The following CTNNA3 variants were observed in gnomAD, a reference collection of about 807,000 sequenced individuals.
CTNNA3 encodes catenin alpha-3.
Under a neutral mutation model 95.7 loss-of-function variants are expected in CTNNA3, and 76 were observed. The observed-to-expected ratio is 0.79, with a 90% CI of 0.66 to 0.96. The LOEUF (loss-of-function observed/expected upper bound fraction) is 0.96, where lower values mean the gene tolerates loss of function less well. Among genes scored for constraint, CTNNA3 ranks in the 40% least tolerant of loss-of-function variants. The pLI is 0.00. For missense variants in CTNNA3, 1,191 were observed against 1,089.8 expected, an observed-to-expected ratio of 1.09 and a Z score of -1.31; for synonymous variants, 431 against 374.4, an observed-to-expected ratio of 1.15 and a Z score of -1.74.
intron 7 of CTNNA3, among the ~76,000 whole-genome samples, chr10:67,146,625 C>A (rs115054012): frequency 0.011 from 1,627 of 152,256 alleles, 27 homozygotes; most frequent in African/African-American, 0.03. Context: ...AAGGTAAGTA[C>A]AGGATTGGTG....
At chr10:67,314,228 G>T (rs1286511303) in intron 5 of CTNNA3, among the ~76,000 whole-genome samples, 1 of 152,104 alleles carries the variant, frequency 6.6e-6, no homozygotes, top group Non-Finnish European at 1.5e-5. Flanking sequence ...AAACTAAAAA[G>T]AAAGAAATCA....
chr10:66,738,654 G>A (rs1023661845), intron 9 of CTNNA3, among the ~76,000 whole-genome samples: 2 of 152,196 alleles, frequency 1.3e-5, no homozygotes, highest in African/African-American at 2.4e-5. Context: ...CCATATACAC[G>A]TTTCATGTAA....
chr10:65,951,438 T>C (rs993124595), intron 17 of CTNNA3, among the ~76,000 whole-genome samples: 1 of 152,130 alleles, frequency 6.6e-6, no homozygotes, highest in African/African-American at 2.4e-5. Flanking sequence ...CATGTTAGCT[T>C]CTCATTTTGA....
At chr10:66,752,083 G>A (rs914742836) in intron 9 of CTNNA3, among the ~76,000 whole-genome samples, 29 of 152,012 alleles carry the variant, frequency 1.9e-4, no homozygotes, top group South Asian at 2.1e-4. Context: ...TAGTTGTGTA[G>A]GTACTGATAG....
At chr10:67,637,792 C>T (rs371324904) in intron 2 of CTNNA3, among the ~76,000 whole-genome samples, 124 of 152,164 alleles carry the variant, frequency 8.1e-4, no homozygotes, top group Admixed American at 5.2e-3. Context: ...AGAAATAAAA[C>T]ACTTTACAGA....
intron 11 of CTNNA3, among the ~76,000 whole-genome samples, chr10:66,498,629 T>C (rs939641145): frequency 6.6e-6 from 1 of 152,126 alleles, no homozygotes; most frequent in Non-Finnish European, 1.5e-5. Context: ...GATTTTACAT[T>C]AGGTAATAAA....
chr10:67,151,952 T>C (rs1352382179), intron 7 of CTNNA3, among the ~76,000 whole-genome samples: 2 of 152,198 alleles, frequency 1.3e-5, no homozygotes, highest in Admixed American at 1.3e-4. Flanking sequence ...TTTCCCCCTA[T>C]TCTGCCCTCC....
intron 7 of CTNNA3, among the ~76,000 whole-genome samples, chr10:67,169,268 C>T (rs759860958): frequency 6.6e-6 from 1 of 151,934 alleles, no homozygotes; most frequent in East Asian, 1.9e-4. Context: ...ACATTCTTTA[C>T]AGAACTAGAG....
intron 7 of CTNNA3, among the ~76,000 whole-genome samples, chr10:66,968,026 G>T (rs535729788): frequency 6.6e-6 from 1 of 152,090 alleles, no homozygotes; most frequent in Non-Finnish European, 1.5e-5. Context: ...TATACTAAAA[G>T]AAAAGAAATT....
chr10:65,959,258 T>C (rs1231490445), intron 17 of CTNNA3, among the ~76,000 whole-genome samples: 1 of 152,162 alleles, frequency 6.6e-6, no homozygotes, highest in East Asian at 1.9e-4. Context: ...AGTATTAGGG[T>C]GGGAGTGTCC....
At chr10:66,134,027 C>T (rs2083242565) in intron 13 of CTNNA3, among the ~76,000 whole-genome samples, 1 of 152,076 alleles carries the variant, frequency 6.6e-6, no homozygotes, top group Non-Finnish European at 1.5e-5. Flanking sequence ...AATTCAACTA[C>T]AGGCATATTA....
At chr10:66,382,537 C>T (rs975189117) in intron 11 of CTNNA3, among the ~76,000 whole-genome samples, 6 of 147,556 alleles carry the variant, frequency 4.1e-5, no homozygotes, top group Admixed American at 3.4e-4. Flanking sequence ...CTTTGGCAGG[C>T]ATAAACGACT....
At chr10:67,358,043 A>G (rs1438493759) in intron 5 of CTNNA3, among the ~76,000 whole-genome samples, 1 of 152,136 alleles carries the variant, frequency 6.6e-6, no homozygotes, top group Non-Finnish European at 1.5e-5. Context: ...GAAAAGGATA[A>G]TATTTTCAAT....
intron 1 of CTNNA3, among the ~76,000 whole-genome samples, chr10:67,747,076 C>A (rs1242971522): frequency 6.6e-6 from 1 of 152,232 alleles, no homozygotes; most frequent in Non-Finnish European, 1.5e-5. Flanking sequence ...GCAGGACCTC[C>A]CTGCAGGAAC....
intron 13 of CTNNA3, among the ~76,000 whole-genome samples, chr10:66,230,537 G>T (rs2089534556): frequency 6.6e-6 from 1 of 152,152 alleles, no homozygotes; most frequent in African/African-American, 2.4e-5. Flanking sequence ...GAGCTTTACT[G>T]GGGACAGGGA....
Position 66,520,688 on chromosome 10 carries a change from T to C in CTNNA3, c.1460A>G (p.Glu487Gly). ...TTCAGTGAGGACATGTATATGATTC[T>C]CCCATGTACGCTTGTACATTTCCAT... The part of the protein sequence containing the change: ...NTMEMYKRTW[E>G]NHIHVLTEAV... The change falls in exon 11 of 18, where the codon GAG becomes GGG. Residue 487 changes from glutamate to glycine, a missense_variant. Transcript: ENST00000433211. 6 of 1,612,242 alleles carry C rather than the reference T, an allele frequency of 3.7e-6. No individual in the cohort carries two copies. The highest frequency in any genetic ancestry group is 5.1e-6 in the Non-Finnish European group (6 of 1,178,944).
intron 7 of CTNNA3, among the ~76,000 whole-genome samples, chr10:67,155,736 T>C (rs115705079): frequency 0.028 from 4,228 of 152,252 alleles, 163 homozygotes; most frequent in African/African-American, 0.089. Flanking sequence ...TTACTAAGTT[T>C]GGCATCCTGC....
intron 9 of CTNNA3, among the ~76,000 whole-genome samples, chr10:66,764,061 A>G (rs1189742029): frequency 6.6e-6 from 1 of 152,212 alleles, no homozygotes. Context: ...CTCATCAGAA[A>G]TGAAAGTGAC....
intron 5 of CTNNA3, among the ~76,000 whole-genome samples, chr10:67,323,945 G>A (rs1841434231): frequency 6.6e-6 from 1 of 152,060 alleles, no homozygotes; most frequent in African/African-American, 2.4e-5. Flanking sequence ...GTATTCTGTG[G>A]TGTTTTATTT....
Sources: gnomAD v4.1 joint callset for allele counts (sites outside exome capture counted in the v4.1 genomes callset) on GRCh38, gnomAD v4.1.1 for gene constraint, MANE v1.5 for transcripts, NCBI Gene and HGNC (gene_info 2026-07-23, HGNC 2026-07-21) for gene names.